The following RERE variants were observed in gnomAD, a reference collection of about 807,000 sequenced individuals.
The protein encoded by RERE is arginine-glutamic acid dipeptide repeats protein.
In RERE, 40 loss-of-function variants were observed where a neutral mutation model predicts 146.1. The ratio of observed to expected loss-of-function variants is 0.27; its 90% CI spans 0.21 to 0.36. RERE has a LOEUF of 0.36. RERE is among the 10% of genes least tolerant of loss of function. RERE has a pLI of 1.00. For synonymous variants in RERE, 1,003 were observed against 866.0 expected, an observed-to-expected ratio of 1.16 and a Z score of -2.78; for missense variants, 1,933 against 2,138.7, an observed-to-expected ratio of 0.90 and a Z score of 1.90.
chr1:8,655,853 T>G (rs1638269082), intron 2 of RERE, 120 bp downstream of exon 2: 1 of 1,498,780 alleles, frequency 6.7e-7, no homozygotes, highest in African/African-American at 1.4e-5. Flanking sequence ...AAATTAAGTT[T>G]CCTACTCTTC....
At chr1:8,592,509 T>C (rs1467995343) in intron 4 of RERE, among the ~76,000 whole-genome samples, 1 of 152,050 alleles carries the variant, frequency 6.6e-6, no homozygotes, top group Non-Finnish European at 1.5e-5. Context: ...TGGGCTCTAG[T>C]GATCCACCCG....
Position 8,489,593 on chromosome 1 carries a change from A to C in RERE, c.1104+5470T>G, listed in dbSNP as rs767759831. The stretch of plus-strand genomic sequence containing the variant: ...ACAGGAAAAGATGCTCAACCCTATT[A>C]AATTAGGAAATTCCAATAAAACCTC... On this transcript the variant is annotated intron_variant, in intron 10 of 22. Coordinates refer to ENST00000400908, the MANE Select transcript of RERE (RefSeq NM_001042681.2). Among the ~76,000 whole-genome samples the C allele has an allele frequency of 4.9e-4, 75 of 152,308 alleles. 1 individual carries two copies. The highest frequency in any genetic ancestry group is 3.5e-4 in the Non-Finnish European group (24 of 68,028).
At chr1:8,478,563 T>A (rs1570306152) in intron 10 of RERE, among the ~76,000 whole-genome samples, 1 of 151,864 alleles carries the variant, frequency 6.6e-6, no homozygotes, top group Non-Finnish European at 1.5e-5. Context: ...CCCCAGAAAG[T>A]TGCTGGGTAA....
At chr1:8,574,680 A>G (rs192137454) in intron 4 of RERE, among the ~76,000 whole-genome samples, 31 of 152,332 alleles carry the variant, frequency 2.0e-4, no homozygotes, top group African/African-American at 7.0e-4. Flanking sequence ...AGACACGAAC[A>G]AATATATATT....
intron 4 of RERE, among the ~76,000 whole-genome samples, chr1:8,574,375 C>T (rs1299291034): frequency 3.3e-5 from 4 of 120,378 alleles, no homozygotes; most frequent in East Asian, 5.3e-4. Context: ...GACGCAGTCT[C>T]GCTCTGTCGC....
chr1:8,355,028 G>C lies in RERE; in HGVS notation c.*59C>G, dbSNP rs1309254794. 7.0e-7 allele frequency: 1 copy of C among 1,420,150 alleles called. No individual in the cohort carries two copies. Among genetic ancestry groups the C allele is most frequent in the Non-Finnish European group, 9.9e-7 (1 of 1,012,486 alleles). The allele number at this position is 1,420,150 out of a possible 1,614,324, so 88.0% of individuals were successfully genotyped here. A position where few individuals can be genotyped will look rare whatever the true frequency, so the allele number is the denominator to read the frequency against. On this transcript the variant is annotated 3_prime_UTR_variant, in exon 23 of 23. Transcript: ENST00000400908. ...TTGCAGCTCCTATTTTATGTAAAAA[G>C]TCCTGTTTCTCCCCCCAAGAACTGG...
intron 1 of RERE, among the ~76,000 whole-genome samples, chr1:8,740,656 T>A (rs1640289292): frequency 6.6e-6 from 1 of 152,188 alleles, no homozygotes; most frequent in Non-Finnish European, 1.5e-5. Flanking sequence ...TTTATTCTAT[T>A]TTTAAATTTT....
At chr1:8,464,383 T>C (rs1427316218) in intron 11 of RERE, among the ~76,000 whole-genome samples, 5 of 152,126 alleles carry the variant, frequency 3.3e-5, no homozygotes, top group African/African-American at 7.2e-5. Context: ...CGCTGCTTCT[T>C]ATCACGACCA....
At chr1:8,723,358 T>TC (rs1215161190) in intron 1 of RERE, among the ~76,000 whole-genome samples, 2 of 152,184 alleles carry the variant, frequency 1.3e-5, no homozygotes, top group Non-Finnish European at 2.9e-5. Context: ...GCAATTTTTT[T>TC]CCCTCTAAAC....
intron 10 of RERE, among the ~76,000 whole-genome samples, chr1:8,475,017 T>G (rs1644735110): frequency 6.6e-6 from 1 of 152,202 alleles, no homozygotes; most frequent in African/African-American, 2.4e-5. Context: ...TAGTTTTAAT[T>G]AATTATTTCG....
chr1:8,700,008 T>A (rs1471709756), intron 1 of RERE, among the ~76,000 whole-genome samples: 3 of 152,280 alleles, frequency 2.0e-5, no homozygotes, highest in Admixed American at 2.0e-4. Flanking sequence ...TGCTCCTTTT[T>A]AAAAATGCAA....
At chr1:8,649,836 C>T (rs1647522042) in intron 2 of RERE, among the ~76,000 whole-genome samples, 1 of 151,676 alleles carries the variant, frequency 6.6e-6, no homozygotes, top group African/African-American at 2.4e-5. Context: ...ATAAGAATTG[C>T]TGTTTTTTTG....
chr1:8,477,685 A>G (rs796911097), intron 10 of RERE, among the ~76,000 whole-genome samples: 44 of 152,360 alleles, frequency 2.9e-4, no homozygotes, highest in African/African-American at 1.1e-3. Flanking sequence ...ATCAGTATTA[A>G]GAAACATTTA....
At chr1:8,431,944 C>A (rs2124482917) in intron 11 of RERE, among the ~76,000 whole-genome samples, 1 of 152,228 alleles carries the variant, frequency 6.6e-6, no homozygotes, top group East Asian at 1.9e-4. Flanking sequence ...CCTCTAGATT[C>A]ATTCTTCACT....
chr1:8,777,035 C>T (rs756467972), intron 1 of RERE, among the ~76,000 whole-genome samples: 2 of 152,144 alleles, frequency 1.3e-5, no homozygotes, highest in Non-Finnish European at 2.9e-5. Context: ...CCACACCAGA[C>T]CTAAATACTT....
At chr1:8,787,894 G>C (rs1259994922) in intron 1 of RERE, among the ~76,000 whole-genome samples, 1 of 147,530 alleles carries the variant, frequency 6.8e-6, no homozygotes, top group Non-Finnish European at 1.5e-5. Flanking sequence ...TAATTTAAAA[G>C]TATTACCAGC....
intron 11 of RERE, among the ~76,000 whole-genome samples, chr1:8,441,351 A>C (rs1190227252): frequency 1.3e-5 from 2 of 152,212 alleles, no homozygotes; most frequent in Admixed American, 1.3e-4. Flanking sequence ...GAGGGGATGC[A>C]GCCTCTCTTC....
At chr1:8,435,018 A>C (rs1644149419) in intron 11 of RERE, among the ~76,000 whole-genome samples, 1 of 152,246 alleles carries the variant, frequency 6.6e-6, no homozygotes, top group East Asian at 1.9e-4. Context: ...ATTGCTTTAC[A>C]TTGGGCTAAT....
intron 15 of RERE, among the ~76,000 whole-genome samples, chr1:8,363,157 C>A (rs983910701): frequency 1.3e-5 from 2 of 152,226 alleles, no homozygotes; most frequent in Non-Finnish European, 2.9e-5. Flanking sequence ...GGCAGAAAGT[C>A]GCCTGGGGCC....
Sources: allele counts gnomAD v4.1 joint callset (sites outside exome capture counted in the v4.1 genomes callset), GRCh38; gene constraint gnomAD v4.1.1; transcripts MANE v1.5; gene names NCBI Gene and HGNC (gene_info 2026-07-23, HGNC 2026-07-21).